The following ACSL5 variants were observed in gnomAD, a reference collection of about 807,000 sequenced individuals.
ACSL5 encodes the protein long-chain-fatty-acid--CoA ligase 5.
In ACSL5, 50 loss-of-function variants were observed where a neutral mutation model predicts 84.9. The ratio of observed to expected loss-of-function variants is 0.59; its 90% CI spans 0.47 to 0.75. The LOEUF (loss-of-function observed/expected upper bound fraction) is 0.75, where lower values mean the gene tolerates loss of function less well. ACSL5 is among the 30% of genes least tolerant of loss of function. The pLI is 0.00. For missense variants in ACSL5, 775 were observed against 830.4 expected (o/e 0.93, Z 0.82); for synonymous variants, 280 against 300.7 (o/e 0.93, Z 0.71).
chr10:112,394,593 G>C (rs80341964), intron 1 of ACSL5: 9,566 of 368,890 alleles, frequency 0.026, 157 homozygotes, highest in Non-Finnish European at 0.032. Flanking sequence ...CTTCTTCCAG[G>C]CTTTGTGCAC....
At chr10:112,413,907 T>C (rs962937849) in intron 12 of ACSL5, among the ~76,000 whole-genome samples, 1 of 152,110 alleles carries the variant, frequency 6.6e-6, no homozygotes, top group Admixed American at 6.5e-5. Flanking sequence ...CCCCATGATA[T>C]ACATTTCAGA....
intron 14 of ACSL5, chr10:112,419,975 G>A (rs1467414228): frequency 2.6e-5 from 4 of 152,136 alleles, no homozygotes; most frequent in Non-Finnish European, 5.9e-5. Context: ...TGGATAATTA[G>A]TTCATTCATT....
chr10:112,400,629 A>G (rs61872354), intron 3 of ACSL5, among the ~76,000 whole-genome samples: 70,678 of 151,648 alleles, frequency 0.47, 17,089 homozygotes, highest in South Asian at 0.58. Context: ...GGCTGGTCCT[A>G]AACTCCTGAC....
At chr10:112,375,612 C>T (rs1216045086) in intron 1 of ACSL5, 3 of 152,166 alleles carry the variant, frequency 2.0e-5, no homozygotes, top group African/African-American at 7.2e-5. Context: ...ATGGTAGCTC[C>T]AGGGCCCCCC....
intron 1 of ACSL5, among the ~76,000 whole-genome samples, chr10:112,375,061 AAG>A (rs1554859504): frequency 1.4e-5 from 2 of 145,996 alleles, no homozygotes; most frequent in African/African-American, 5.2e-5. Context: ...ATAAAAAAAA[AAG>A]AAATAAAACC....
At chr10:112,390,920 G>A (rs1276804427) in intron 1 of ACSL5, among the ~76,000 whole-genome samples, 2 of 152,160 alleles carry the variant, frequency 1.3e-5, no homozygotes, top group African/African-American at 4.8e-5. Flanking sequence ...GCATTGAAGG[G>A]TTTGTTAATG....
chr10:112,409,408 T>G (rs1192606603), intron 6 of ACSL5, 99 bp from the exon 7 acceptor site: 5 of 1,047,074 alleles, frequency 4.8e-6, no homozygotes, highest in Non-Finnish European at 7.1e-6. Context: ...TTTGGACACC[T>G]GTTAGCTTTG....
rs140298085 is a variant in ACSL5 at position 112,421,535 on chromosome 10, C to T, written c.1315-58C>T. The T allele has an allele frequency of 1.6e-4, 237 of 1,485,030 alleles. No individual in the cohort carries two copies. In the African/African-American group the frequency reaches 2.6e-3, roughly 16 times the overall value. 92.0% of individuals were successfully genotyped at this position (1,485,030 alleles called of 1,614,324 possible). On this transcript the variant is annotated intron_variant, in intron 14 of 20. Transcript: ENST00000354655. ...CTTTCCTCGTGTCTTGACCATAGCA[C>T]GTGGCCAGCTCACACTTTATCTTGA... is the stretch of plus-strand genomic sequence containing the variant.
At chr10:112,421,219 C>T (rs553637880) in intron 14 of ACSL5, among the ~76,000 whole-genome samples, 5 of 152,134 alleles carry the variant, frequency 3.3e-5, no homozygotes, top group African/African-American at 1.2e-4. Context: ...AGTACAATGG[C>T]GTGATTTCAG....
chr10:112,413,388 C>T (rs1475958445), intron 12 of ACSL5, 81 bp downstream of exon 12: 5 of 1,488,546 alleles, frequency 3.4e-6, no homozygotes, highest in South Asian at 1.2e-5. Flanking sequence ...ATTTACTCCA[C>T]CTCTACCTCC....
chr10:112,415,925 G>A (rs1844303330), intron 12 of ACSL5, among the ~76,000 whole-genome samples: 1 of 152,226 alleles, frequency 6.6e-6, no homozygotes, highest in South Asian at 2.1e-4. Context: ...GCAGGAGTGT[G>A]GTTGATGGAA....
In ACSL5 at chr10:112,395,079, A is replaced by G. The variant is rs1329020415; in HGVS notation, c.133A>G (p.Asn45Asp). ...PQPVLPLLDLNNQSVGIEGGA... is the reference protein window; with the variant it reads ...PQPVLPLLDLDNQSVGIEGGA... ...ACCCGTCTTACCTCTTCTTGACCTG[A>G]ACAATCAGTCTGTGGGAATTGAGGT... Residue 45 changes from asparagine (N) to aspartate (D), a missense_variant, in exon 2 of 21, where the codon AAC becomes GAC. Transcript: ENST00000354655. 3 of 1,613,810 alleles carry G rather than the reference A, an allele frequency of 1.9e-6. No homozygotes were observed. The highest frequency in any genetic ancestry group is 2.5e-6 in the Non-Finnish European group (3 of 1,179,978).
At chr10:112,391,253 C>T (rs955710527) in intron 1 of ACSL5, among the ~76,000 whole-genome samples, 1 of 152,040 alleles carries the variant, frequency 6.6e-6, no homozygotes, top group African/African-American at 2.4e-5. Context: ...GTGGCAGGCA[C>T]CTGCTACTCA....
chr10:112,381,350 A>G (rs1849344339), intron 1 of ACSL5, among the ~76,000 whole-genome samples: 4 of 152,146 alleles, frequency 2.6e-5, no homozygotes, highest in Admixed American at 2.6e-4. Flanking sequence ...ACACAGGTCC[A>G]CAGTTTTTGT....
At chr10:112,384,456 C>T (rs1488777285) in intron 1 of ACSL5, among the ~76,000 whole-genome samples, 2 of 152,162 alleles carry the variant, frequency 1.3e-5, no homozygotes, top group Admixed American at 6.6e-5. Context: ...GAAATCCAGT[C>T]ATGATTTCTC....
At chr10:112,393,816 T>A (rs1395839023) in intron 1 of ACSL5, among the ~76,000 whole-genome samples, 1 of 152,220 alleles carries the variant, frequency 6.6e-6, no homozygotes, top group African/African-American at 2.4e-5. Flanking sequence ...CATAGAGAAG[T>A]AGCAATAGGG....
chr10:112,425,553 GTA>G (rs1844637854), intron 18 of ACSL5, 72 bp downstream of exon 18: 2 of 1,127,106 alleles, frequency 1.8e-6, no homozygotes, highest in African/African-American at 3.3e-5. Flanking sequence ...CAGGAAATTT[GTA>G]TAGTTGGGTT....
chr10:112,401,165 G>A (rs539514273), intron 3 of ACSL5, among the ~76,000 whole-genome samples: 9 of 151,998 alleles, frequency 5.9e-5, no homozygotes, highest in Non-Finnish European at 1.2e-4. Context: ...GCAGTGAGCC[G>A]AGATCGCGCC....
At chr10:112,394,629 C>A in intron 1 of ACSL5, 1 of 692,442 alleles carries the variant, frequency 1.4e-6, no homozygotes, top group Non-Finnish European at 1.8e-6. Context: ...AGTCATTTCT[C>A]AAAATTGTTT....
Sources: allele counts gnomAD v4.1 joint callset (sites outside exome capture counted in the v4.1 genomes callset), GRCh38; gene constraint gnomAD v4.1.1; transcripts MANE v1.5; gene names NCBI Gene and HGNC (gene_info 2026-07-23, HGNC 2026-07-21).